The following SLCO3A1 variants were observed in gnomAD, a reference collection of about 807,000 sequenced individuals.
SLCO3A1 encodes the protein PGE1 transporter.
A neutral mutation model predicts 63.1 loss-of-function variants in SLCO3A1; 27 were observed. The observed-to-expected ratio is 0.43, with a 90% CI of 0.32 to 0.59. The LOEUF (loss-of-function observed/expected upper bound fraction) is 0.59. Ranked by LOEUF, SLCO3A1 falls within the 20% of genes least tolerant of loss-of-function variation. The pLI, the probability that SLCO3A1 is intolerant of heterozygous loss-of-function variation, is 0.09. For missense variants in SLCO3A1, 773 were observed against 945.8 expected, an observed-to-expected ratio of 0.82 and a Z score of 2.40; for synonymous variants, 473 against 409.9, an observed-to-expected ratio of 1.15 and a Z score of -1.86.
intron 3 of SLCO3A1, among the ~76,000 whole-genome samples, chr15:92,103,175 A>T (rs1036146728): frequency 3.9e-5 from 6 of 152,112 alleles, no homozygotes; most frequent in Non-Finnish European, 7.4e-5. Flanking sequence ...CTGTCCATCC[A>T]TCTGGTCCAG....
intron 2 of SLCO3A1, among the ~76,000 whole-genome samples, chr15:91,997,925 G>A (rs1238562533): frequency 6.6e-6 from 1 of 152,056 alleles, no homozygotes; most frequent in Non-Finnish European, 1.5e-5. Flanking sequence ...AGAAACCTAG[G>A]AAACACCACT....
At chr15:92,097,560 G>T (rs535292964) in intron 3 of SLCO3A1, among the ~76,000 whole-genome samples, 252 of 152,320 alleles carry the variant, frequency 1.7e-3, no homozygotes, top group Non-Finnish European at 3.0e-3. Flanking sequence ...AGGCTCATTG[G>T]CTACTTGGTG....
intron 4 of SLCO3A1, among the ~76,000 whole-genome samples, chr15:92,113,177 C>G (rs2047750616): frequency 6.6e-6 from 1 of 152,178 alleles, no homozygotes; most frequent in African/African-American, 2.4e-5. Context: ...CCGAGCGGAG[C>G]CTGCGTTTTT....
At position 91,854,423 on chromosome 15, in the gene SLCO3A1, T is replaced by C; in HGVS notation, c.180+335T>C. 2.0e-6 allele frequency: 2 copies of C among 1,013,544 alleles called. No homozygotes were observed. The highest frequency in any genetic ancestry group is 2.4e-6 in the Non-Finnish European group (2 of 844,218). The allele number at this position is 1,013,544 out of a possible 1,614,324, so 62.8% of individuals were successfully genotyped here. ...GCGGAGCGAGACGGTGAGTTCAGGG[T>C]TCTCCTTGGAGAGGAACGAAAAAGC... On this transcript the variant is annotated intron_variant, in intron 1 of 9. Coordinates refer to ENST00000318445, the MANE Select transcript of SLCO3A1 (RefSeq NM_013272.4). The surrounding 1 kb of genome is among the most constrained non-coding windows in gnomAD (Gnocchi z 6.4).
At position 91,854,744 on chromosome 15, in the gene SLCO3A1, G is replaced by T. The variant is rs1896870799; in HGVS notation, c.180+656G>T. 6.6e-6 allele frequency among the ~76,000 whole-genome samples: 1 copy of T among 152,190 alleles called. No individual in the cohort carries two copies. The highest frequency in any genetic ancestry group is 1.5e-5 in the Non-Finnish European group (1 of 68,042). On this transcript the variant is annotated intron_variant, in intron 1 of 9. Coordinates refer to ENST00000318445, the MANE Select transcript of SLCO3A1 (RefSeq NM_013272.4). The surrounding 1 kb of genome is among the most constrained non-coding windows in gnomAD (Gnocchi z 6.4). ...TAGAGAGCAGCTGCGAGTTTGTGTA[G>T]TTCCTGCTATCCACTCTTAGTGCTA...
chr15:92,106,174 A>G (rs919851373), intron 4 of SLCO3A1, among the ~76,000 whole-genome samples: 4 of 152,220 alleles, frequency 2.6e-5, no homozygotes, highest in African/African-American at 9.7e-5. Context: ...AAAGAGACAA[A>G]TTTAATATCG....
Position 91,916,522 on chromosome 15 carries a change from C to T in SLCO3A1, c.646+64C>T. 7.9e-7 allele frequency: 1 copy of T among 1,266,922 alleles called. No homozygotes were observed. Among genetic ancestry groups the T allele is most frequent in the Non-Finnish European group, 1.1e-6 (1 of 916,614 alleles). The allele number at this position is 1,266,922 out of a possible 1,614,324, so 78.5% of individuals were successfully genotyped here. ...TGTGTTGACCATGGATAAAAGGTGG[C>T]CTGGTGGACTTTGATTTTGCCAGAG... On this transcript the variant is annotated intron_variant, in intron 2 of 9. Coordinates refer to ENST00000318445, the MANE Select transcript of SLCO3A1 (RefSeq NM_013272.4). This position sits in a 1 kb window ranked among gnomAD's most constrained non-coding sequence, Gnocchi z 6.2.
At chr15:92,005,157 C>G (rs529100362) in intron 2 of SLCO3A1, among the ~76,000 whole-genome samples, 5 of 152,188 alleles carry the variant, frequency 3.3e-5, no homozygotes, top group Admixed American at 3.3e-4. Context: ...TCTTTAGAAC[C>G]CTACAGAGAG....
intron 2 of SLCO3A1, among the ~76,000 whole-genome samples, chr15:92,018,587 G>T (rs1156261483): frequency 1.3e-5 from 2 of 152,178 alleles, no homozygotes; most frequent in African/African-American, 4.8e-5. Flanking sequence ...CCAGCCTCCT[G>T]GCAGCCTGAC....
chr15:92,001,603 C>A (rs560825200), intron 2 of SLCO3A1, among the ~76,000 whole-genome samples: 7 of 152,282 alleles, frequency 4.6e-5, no homozygotes, highest in South Asian at 2.1e-4. Flanking sequence ...CATGCCCCCC[C>A]ACCCAGGGAG....
intron 2 of SLCO3A1, among the ~76,000 whole-genome samples, chr15:91,970,419 A>T (rs1002998052): frequency 6.6e-6 from 1 of 152,138 alleles, no homozygotes; most frequent in Non-Finnish European, 1.5e-5. Flanking sequence ...CGCTGATGGG[A>T]GGTGCCTTTG....
intron 2 of SLCO3A1, among the ~76,000 whole-genome samples, chr15:92,013,574 C>A (rs7178378): frequency 0.62 from 94,160 of 152,118 alleles, 31,068 homozygotes; most frequent in African/African-American, 0.86. Context: ...AGTTAGGTTA[C>A]ACTTCTCAGC....
At chr15:92,062,163 G>A (rs886110223) in intron 2 of SLCO3A1, among the ~76,000 whole-genome samples, 3 of 152,218 alleles carry the variant, frequency 2.0e-5, no homozygotes, top group African/African-American at 7.2e-5. Flanking sequence ...TCAAAATCCT[G>A]TACTAGGACA....
intron 2 of SLCO3A1, among the ~76,000 whole-genome samples, chr15:91,945,813 G>A (rs1222933642): frequency 1.3e-5 from 2 of 152,218 alleles, no homozygotes; most frequent in African/African-American, 4.8e-5. Context: ...AAGATAACAT[G>A]TCACCCTGGG....
Position 92,172,132 on chromosome 15 carries a change from C to G in SLCO3A1, c.*270C>G, listed in dbSNP as rs1434949964. 4.2e-5 allele frequency: 15 copies of G among 355,382 alleles called. No individual in the cohort carries two copies. The South Asian group carries it at 1.0e-3, about 24-fold the overall frequency. 22.0% of individuals were successfully genotyped at this position (355,382 alleles called of 1,614,324 possible). ...TCATGCTGACCTGGTGTGCAAATTC[C>G]CTTCCACCCATCCCTCTACCTCCTC... On this transcript the variant is annotated 3_prime_UTR_variant, in exon 11 of 11. Transcript: ENST00000424469.
At chr15:91,889,892 A>G (rs553232531) in intron 1 of SLCO3A1, among the ~76,000 whole-genome samples, 2 of 150,998 alleles carry the variant, frequency 1.3e-5, no homozygotes, top group Admixed American at 1.3e-4. Context: ...TAAGGGAAAG[A>G]TAGTCTTTCC....
At chr15:92,043,117 T>C (rs1233920441) in intron 2 of SLCO3A1, among the ~76,000 whole-genome samples, 1 of 150,740 alleles carries the variant, frequency 6.6e-6, no homozygotes, top group Non-Finnish European at 1.5e-5. Context: ...GTGATGTTAG[T>C]AGTTGGCCAA....
At chr15:92,130,071 T>C (rs1310335903) in intron 7 of SLCO3A1, among the ~76,000 whole-genome samples, 2 of 152,258 alleles carry the variant, frequency 1.3e-5, no homozygotes, top group Non-Finnish European at 2.9e-5. Context: ...GTCTCGGTTA[T>C]TGTCCTGTTA....
At chr15:92,046,447 T>A (rs1041028990) in intron 2 of SLCO3A1, among the ~76,000 whole-genome samples, 1 of 152,040 alleles carries the variant, frequency 6.6e-6, no homozygotes, top group African/African-American at 2.4e-5. Context: ...GGAGAATCGC[T>A]TGAACCCAGG....
Sources: gnomAD v4.1 joint callset for allele counts (sites outside exome capture counted in the v4.1 genomes callset) on GRCh38, gnomAD v4.1.1 for gene constraint, Gnocchi (gnomAD v3.1) non-coding constraint, MANE v1.5 for transcripts, NCBI Gene and HGNC (gene_info 2026-07-23, HGNC 2026-07-21) for gene names.